TMTC1: variants seen among roughly 807,000 people sequenced by gnomAD.
TMTC1 encodes the protein transmembrane O-mannosyltransferase targeting cadherins 1.
In TMTC1, 73 loss-of-function variants were observed where a neutral mutation model predicts 104.8. That is an observed-to-expected ratio of 0.70 (90% CI 0.58 to 0.85). The LOEUF is 0.85. Ranked by LOEUF, TMTC1 falls within the 40% of genes least tolerant of loss-of-function variation. The pLI is 0.00. For missense variants in TMTC1, 1,035 were observed against 1,096.1 expected, an observed-to-expected ratio of 0.94 and a Z score of 0.79; for synonymous variants, 434 against 428.7, an observed-to-expected ratio of 1.01 and a Z score of -0.15.
intron 11 of TMTC1, among the ~76,000 whole-genome samples, chr12:29,522,295 C>T (rs1023669898): frequency 1.3e-5 from 2 of 152,142 alleles, no homozygotes; most frequent in African/African-American, 4.8e-5. Context: ...ATATACTTTA[C>T]ACTCTGTAGA....
At chr12:29,736,889 C>G (rs1942691387) in intron 5 of TMTC1, among the ~76,000 whole-genome samples, 1 of 152,208 alleles carries the variant, frequency 6.6e-6, no homozygotes, top group Non-Finnish European at 1.5e-5. Context: ...ATAACACACA[C>G]AATCCATGTC....
rs572067093 is a variant in TMTC1 at position 29,731,215 on chromosome 12, G to C, written c.938+20451C>G. On this transcript the variant is annotated intron_variant, in intron 5 of 17. Transcript: ENST00000539277. ...TTATATAAAAAGGCTGGAGTGCAGT[G>C]GTGCAATCTAGGCTCACTGCAACCT... Among the ~76,000 whole-genome samples, 31 of 152,296 alleles carry C rather than the reference G, an allele frequency of 2.0e-4. No individual in the cohort carries two copies. In the South Asian group the frequency reaches 5.4e-3, roughly 26 times the overall value.
intron 16 of TMTC1, among the ~76,000 whole-genome samples, chr12:29,513,424 T>C (rs1354523252): frequency 6.6e-6 from 1 of 152,038 alleles, no homozygotes; most frequent in East Asian, 1.9e-4. Context: ...ATATTGAAAA[T>C]GTTGAAAAGG....
intron 1 of TMTC1, among the ~76,000 whole-genome samples, chr12:29,779,761 A>G (rs1234250938): frequency 6.6e-6 from 1 of 152,198 alleles, no homozygotes; most frequent in Non-Finnish European, 1.5e-5. Context: ...GTGGGAGAAA[A>G]TATTTACCAA....
At chr12:29,695,626 T>A (rs554899512) in intron 5 of TMTC1, among the ~76,000 whole-genome samples, 1 of 151,858 alleles carries the variant, frequency 6.6e-6, no homozygotes, top group African/African-American at 2.4e-5. Flanking sequence ...TTTTAAGGAT[T>A]TGGATATGGA....
At chr12:29,749,330 T>C (rs1302523386) in intron 5 of TMTC1, among the ~76,000 whole-genome samples, 1 of 152,160 alleles carries the variant, frequency 6.6e-6, no homozygotes, top group Non-Finnish European at 1.5e-5. Context: ...AAATGTTCCA[T>C]CTATGCTTAA....
chr12:29,687,430 A>G (rs1452627668), intron 5 of TMTC1, among the ~76,000 whole-genome samples: 2 of 152,264 alleles, frequency 1.3e-5, no homozygotes, highest in African/African-American at 4.8e-5. Context: ...TCTCAATGCC[A>G]TAAAGAGGAA....
chr12:29,752,097 A>G (rs1943105346), intron 4 of TMTC1, among the ~76,000 whole-genome samples: 1 of 150,588 alleles, frequency 6.6e-6, no homozygotes. Flanking sequence ...AGTATAGAAC[A>G]CTGTAACTCA....
At chr12:29,508,595 A>AT (rs367961342) in intron 17 of TMTC1, among the ~76,000 whole-genome samples, 73 of 149,332 alleles carry the variant, frequency 4.9e-4, no homozygotes, top group South Asian at 8.5e-4. Context: ...TAGAAGCTGT[A>AT]TTTTTTTTTT....
intron 3 of TMTC1, among the ~76,000 whole-genome samples, chr12:29,757,874 C>T (rs924025893): frequency 6.6e-6 from 1 of 151,962 alleles, no homozygotes; most frequent in African/African-American, 2.4e-5. Context: ...GACTTATTCA[C>T]TATCATGAGA....
chr12:29,682,881 A>G lies in TMTC1; in HGVS notation c.939-49545T>C, dbSNP rs535245772. ...AGATATGATAAAATGGCATAGAACTATACACACATATTGCATGGATGTCAA... is the reference window on the plus strand; with the variant it reads ...AGATATGATAAAATGGCATAGAACTGTACACACATATTGCATGGATGTCAA... On this transcript the variant is annotated intron_variant, in intron 5 of 17. Coordinates refer to ENST00000539277, the MANE Select transcript of TMTC1 (RefSeq NM_001193451.2). Among the ~76,000 whole-genome samples the G allele has an allele frequency of 3.3e-5, 5 of 152,312 alleles. No individual in the cohort carries two copies. In the South Asian group the frequency reaches 1.0e-3, roughly 32 times the overall value.
chr12:29,735,920 T>C (rs1942660040), intron 5 of TMTC1, among the ~76,000 whole-genome samples: 1 of 152,174 alleles, frequency 6.6e-6, no homozygotes, highest in African/African-American at 2.4e-5. Context: ...AAAGTAGTTC[T>C]CTCTGGGTTA....
intron 6 of TMTC1, among the ~76,000 whole-genome samples, chr12:29,614,315 A>G (rs1295093270): frequency 6.6e-6 from 1 of 152,334 alleles, no homozygotes; most frequent in Non-Finnish European, 1.5e-5. Context: ...GTTGCATCTC[A>G]TTGGACAAGA....
chr12:29,695,805 A>ATATATATATATG (rs1438526852), intron 5 of TMTC1, among the ~76,000 whole-genome samples: 19 of 52,360 alleles, frequency 3.6e-4, no homozygotes, highest in Non-Finnish European at 5.8e-4. Flanking sequence ...ATATATATAT[A>ATATATATATATG]TATATATATA....
rs116116346 is a variant in TMTC1 at position 29,693,458 on chromosome 12, A to G, written c.938+58208T>C. On this transcript the variant is annotated intron_variant, in intron 5 of 17. Transcript: ENST00000539277. Reference sequence around the variant, plus strand: ...AGTCTATAGTTCTATAGAATATTGGAATTTATTCCTCCTAACTGTAATTTT... The same window carrying G: ...AGTCTATAGTTCTATAGAATATTGGGATTTATTCCTCCTAACTGTAATTTT... Among the ~76,000 whole-genome samples, 909 of 150,996 alleles carry G rather than the reference A, an allele frequency of 6.0e-3. 102 individuals are homozygous for G. The highest frequency in any genetic ancestry group is 0.021 in the African/African-American group (879 of 41,140).
At chr12:29,725,070 G>T (rs1942349229) in intron 5 of TMTC1, among the ~76,000 whole-genome samples, 1 of 135,914 alleles carries the variant, frequency 7.4e-6, no homozygotes, top group South Asian at 2.3e-4. Context: ...GCTCAGGCTG[G>T]AGTGCAGTGG....
chr12:29,636,560 C>T (rs1938560113), intron 5 of TMTC1, among the ~76,000 whole-genome samples: 1 of 152,138 alleles, frequency 6.6e-6, no homozygotes, highest in Non-Finnish European at 1.5e-5. Flanking sequence ...TGGCTCATGC[C>T]TGTAATCCCA....
chr12:29,561,632 T>A (rs2136274322), intron 9 of TMTC1, among the ~76,000 whole-genome samples: 1 of 152,348 alleles, frequency 6.6e-6, no homozygotes, highest in African/African-American at 2.4e-5. Context: ...TGTATGTGAA[T>A]AAAATCAAGT....
intron 10 of TMTC1, among the ~76,000 whole-genome samples, chr12:29,538,508 G>T (rs1292390079): frequency 6.7e-6 from 1 of 148,504 alleles, no homozygotes; most frequent in East Asian, 2.0e-4. Context: ...ATATAATTTA[G>T]CTTAGATATT....
Sources: gnomAD v4.1 joint callset for allele counts (sites outside exome capture counted in the v4.1 genomes callset) on GRCh38, gnomAD v4.1.1 for gene constraint, MANE v1.5 for transcripts, NCBI Gene and HGNC (gene_info 2026-07-23, HGNC 2026-07-21) for gene names.